Variants in ABHD2 observed in about 807,000 individuals in gnomAD.
ABHD2 encodes abhydrolase domain containing 2, acylglycerol lipase, also known as monoacylglycerol lipase ABHD2.
Under a neutral mutation model 48.1 loss-of-function variants are expected in ABHD2, and 20 were observed. That is an observed-to-expected ratio of 0.42 (90% CI 0.29 to 0.60). The LOEUF is 0.60. Ranked by LOEUF, ABHD2 falls within the 20% of genes least tolerant of loss-of-function variation. The pLI is 0.24. For missense variants in ABHD2, 405 were observed against 550.9 expected, an observed-to-expected ratio of 0.74 and a Z score of 2.65; for synonymous variants, 209 against 214.2, an observed-to-expected ratio of 0.98 and a Z score of 0.21.
At chr15:89,059,414 C>T in the ABHD2 span, among the ~76,000 whole-genome samples, 1 of 152,166 alleles carries the variant, frequency 6.6e-6, no homozygotes, top group Non-Finnish European at 1.5e-5. Context: ...CAGATTACTT[C>T]CTGTTCCAAT....
chr15:89,149,455 C>A (rs769587503), intron 3 of ABHD2, among the ~76,000 whole-genome samples: 1 of 152,154 alleles, frequency 6.6e-6, no homozygotes, highest in South Asian at 2.1e-4. Context: ...AGCAAATCTC[C>A]CCCAGGTGTG....
chr15:89,073,037 T>C, the ABHD2 span, among the ~76,000 whole-genome samples: 1 of 152,194 alleles, frequency 6.6e-6, no homozygotes, highest in African/African-American at 2.4e-5. Context: ...ACTAAAAAAG[T>C]ATTTGCTCTT....
chr15:89,068,043 C>T, the ABHD2 span, among the ~76,000 whole-genome samples: 1 of 152,184 alleles, frequency 6.6e-6, no homozygotes, highest in East Asian at 1.9e-4. Flanking sequence ...AAAGACCAAA[C>T]CCTAGACTTC....
chr15:89,169,520 T>C (rs2050886733), intron 5 of ABHD2, among the ~76,000 whole-genome samples: 1 of 152,224 alleles, frequency 6.6e-6, no homozygotes, highest in East Asian at 1.9e-4. Context: ...TAGAGTCTCA[T>C]TCAATGTTGG....
At chr15:89,053,262 G>A in the ABHD2 span, among the ~76,000 whole-genome samples, 5 of 152,148 alleles carry the variant, frequency 3.3e-5, no homozygotes, top group Admixed American at 6.5e-5. Context: ...CACCGTACCC[G>A]GCCTGTGGGC....
At chr15:89,048,398 G>A in the ABHD2 span, among the ~76,000 whole-genome samples, 1 of 150,746 alleles carries the variant, frequency 6.6e-6, no homozygotes, top group East Asian at 2.0e-4. Context: ...TTCTCGAGGA[G>A]TATCTTTGTG....
chr15:89,138,892 G>A (rs958587555), intron 3 of ABHD2, among the ~76,000 whole-genome samples: 1 of 151,800 alleles, frequency 6.6e-6, no homozygotes, highest in African/African-American at 2.4e-5. Context: ...TTTTAAAACG[G>A]GGAAGACACC....
At chr15:89,077,666 C>T in the ABHD2 span, among the ~76,000 whole-genome samples, 2 of 152,154 alleles carry the variant, frequency 1.3e-5, no homozygotes, top group African/African-American at 2.4e-5. Flanking sequence ...AAATCTAAAA[C>T]TCTTAGAATC....
intron 3 of ABHD2, among the ~76,000 whole-genome samples, chr15:89,135,071 TATTTA>T (rs1221562843): frequency 6.6e-6 from 1 of 151,980 alleles, no homozygotes; most frequent in Non-Finnish European, 1.5e-5. Context: ...GTTCTTTCTT[TATTTA>T]TTTTTAATAA....
At position 89,185,518 on chromosome 15, in the gene ABHD2, T is replaced by C. The variant is rs1006458302; in HGVS notation, c.815+2T>C. On this transcript the variant is annotated splice_donor_variant, in intron 7 of 10. Coordinates refer to ENST00000352732, the MANE Select transcript of ABHD2 (RefSeq NM_152924.5). LOFTEE classifies it high-confidence loss of function. This position sits in a 1 kb window ranked among gnomAD's most constrained non-coding sequence, Gnocchi z 5.9. ...GAAGAAGATCATCCTCTCGCACAGG[T>C]AGGTCACCTTCCGTTCTCTCTCAGG... The C allele has an allele frequency of 6.2e-6, 10 of 1,613,334 alleles. No homozygotes were observed. The highest frequency in any genetic ancestry group is 1.6e-4 in the Middle Eastern group (1 of 6,084).
intron 3 of ABHD2, among the ~76,000 whole-genome samples, chr15:89,132,490 G>T (rs543470246): frequency 1.3e-5 from 2 of 152,288 alleles, no homozygotes; most frequent in Admixed American, 6.5e-5. Context: ...CACCATTGTT[G>T]TAACTATGTA....
rs1021959827 is a variant in ABHD2 at position 89,088,737 on chromosome 15, C to T, written c.-107+174C>T. ...TGGGGGTCCCAGGGGCTGGCTTGCCCAGTGGTGGGGACAGCCCAGATCGCG... is the reference window on the plus strand; with the variant it reads ...TGGGGGTCCCAGGGGCTGGCTTGCCTAGTGGTGGGGACAGCCCAGATCGCG... On this transcript the variant is annotated intron_variant, in intron 1 of 10. Transcript: ENST00000352732. The surrounding 1 kb of genome is among the most constrained non-coding windows in gnomAD (Gnocchi z 6.8). 3.9e-5 allele frequency among the ~76,000 whole-genome samples: 6 copies of T among 152,228 alleles called. No homozygotes were observed. The highest frequency in any genetic ancestry group is 3.3e-4 in the Admixed American group (5 of 15,292).
intron 1 of ABHD2, among the ~76,000 whole-genome samples, chr15:89,108,020 T>C (rs2049814214): frequency 6.6e-6 from 1 of 152,188 alleles, no homozygotes; most frequent in African/African-American, 2.4e-5. Flanking sequence ...TGTATTATGT[T>C]AAGAAGTCAT....
intron 5 of ABHD2, among the ~76,000 whole-genome samples, chr15:89,165,348 C>A (rs2050822396): frequency 6.6e-6 from 1 of 151,412 alleles, no homozygotes. Flanking sequence ...TTCATAAATT[C>A]TTTAAACTGG....
At chr15:89,057,127 T>A in the ABHD2 span, among the ~76,000 whole-genome samples, 1 of 152,112 alleles carries the variant, frequency 6.6e-6, no homozygotes, top group South Asian at 2.1e-4. Context: ...GTTAGCAGGC[T>A]GGTCTTGAAC....
chr15:89,060,517 C>G, the ABHD2 span, among the ~76,000 whole-genome samples: 2 of 152,028 alleles, frequency 1.3e-5, no homozygotes, highest in Admixed American at 6.6e-5. Context: ...GCCCTCTGCC[C>G]CATCCCAGCA....
intron 3 of ABHD2, among the ~76,000 whole-genome samples, chr15:89,150,140 G>A (rs1348999550): frequency 6.6e-6 from 1 of 152,192 alleles, no homozygotes; most frequent in Admixed American, 6.5e-5. Context: ...TCAGAAGGTA[G>A]GCATATGAAA....
intron 3 of ABHD2, among the ~76,000 whole-genome samples, chr15:89,131,480 C>A (rs900688501): frequency 6.6e-6 from 1 of 152,066 alleles, no homozygotes; most frequent in African/African-American, 2.4e-5. Flanking sequence ...GGTGAAGGGG[C>A]AGGATGGGAA....
the ABHD2 span, among the ~76,000 whole-genome samples, chr15:89,078,750 T>C: frequency 3.3e-5 from 5 of 151,202 alleles, no homozygotes; most frequent in Non-Finnish European, 7.4e-5. Flanking sequence ...TTTTTTTTTC[T>C]TGTGAGACAG....
Sources: gnomAD v4.1 joint callset for allele counts (sites outside exome capture counted in the v4.1 genomes callset) on GRCh38, gnomAD v4.1.1 for gene constraint, Gnocchi (gnomAD v3.1) non-coding constraint, MANE v1.5 for transcripts, NCBI Gene and HGNC (gene_info 2026-07-23, HGNC 2026-07-21) for gene names.